KSR2: variants seen among roughly 807,000 people sequenced by gnomAD.
The protein encoded by KSR2 is kinase suppressor of ras 2.
Under a neutral mutation model 107.8 loss-of-function variants are expected in KSR2, and 25 were observed. The observed-to-expected ratio is 0.23, with a 90% CI of 0.17 to 0.32. The LOEUF (loss-of-function observed/expected upper bound fraction) is 0.32, where lower values mean the gene tolerates loss of function less well. Among genes scored for constraint, KSR2 ranks in the 10% least tolerant of loss-of-function variants. The probability of loss-of-function intolerance (pLI) is 1.00; values close to 1 mark genes in which losing one functional copy is unlikely to be tolerated. For missense variants in KSR2, 887 were observed against 1,268.9 expected (o/e 0.70, Z 4.57); for synonymous variants, 480 against 507.0 (o/e 0.95, Z 0.71).
intron 5 of KSR2, among the ~76,000 whole-genome samples, chr12:117,642,710 C>T (rs555060359): frequency 4.7e-4 from 72 of 152,308 alleles, no homozygotes; most frequent in Non-Finnish European, 8.8e-4. Flanking sequence ...CAATGATATG[C>T]TGATCTTGTG....
chr12:117,489,239 G>A (rs541351622), intron 14 of KSR2, among the ~76,000 whole-genome samples: 121 of 152,156 alleles, frequency 8.0e-4, no homozygotes, highest in East Asian at 5.2e-3. Flanking sequence ...TGATTTGGGC[G>A]CTGGTTACAT....
At chr12:117,774,430 C>T (rs1288965144) in intron 3 of KSR2, among the ~76,000 whole-genome samples, 4 of 152,178 alleles carry the variant, frequency 2.6e-5, no homozygotes, top group Admixed American at 1.3e-4. Flanking sequence ...GCACTAGCCC[C>T]GCCCCAGGAT....
At chr12:117,729,481 AC>A (rs1887573409) in intron 4 of KSR2, among the ~76,000 whole-genome samples, 1 of 152,058 alleles carries the variant, frequency 6.6e-6, no homozygotes, top group Admixed American at 6.5e-5. Flanking sequence ...CCTCCACATT[AC>A]TCTGCCTGGC....
chr12:117,928,131 C>G (rs965639698), intron 1 of KSR2, among the ~76,000 whole-genome samples: 1 of 151,308 alleles, frequency 6.6e-6, no homozygotes, highest in Non-Finnish European at 1.5e-5. Flanking sequence ...ATCATGTTTT[C>G]AAGGTTTATC....
chr12:117,917,112 C>T (rs574903619), intron 1 of KSR2, among the ~76,000 whole-genome samples: 2 of 152,282 alleles, frequency 1.3e-5, no homozygotes, highest in South Asian at 4.1e-4. Flanking sequence ...AAAGTCGTGA[C>T]AATGAAAAAT....
At chr12:117,789,764 A>G (rs1890193751) in intron 3 of KSR2, among the ~76,000 whole-genome samples, 1 of 152,188 alleles carries the variant, frequency 6.6e-6, no homozygotes, top group South Asian at 2.1e-4. Context: ...ATTTAGTTGC[A>G]CAAAGCACTA....
intron 5 of KSR2, among the ~76,000 whole-genome samples, chr12:117,586,282 AAAATAAGAAATAAGAAAAAT>A (rs1879984230): frequency 1.0e-5 from 1 of 99,870 alleles, no homozygotes; most frequent in Non-Finnish European, 2.2e-5. Context: ...AAGAAAGAAG[AAAATAAGAAATAAGAAAAAT>A]AGGGCCGGGT....
chr12:117,793,935 ACACATACACCAACATG>A (rs1188848002), intron 3 of KSR2, among the ~76,000 whole-genome samples: 1 of 135,174 alleles, frequency 7.4e-6, no homozygotes, highest in African/African-American at 2.9e-5. Context: ...CACACCATGC[ACACATACACCAACATG>A]CGCACACACC....
At chr12:117,633,072 T>C (rs1882885039) in intron 5 of KSR2, among the ~76,000 whole-genome samples, 1 of 152,216 alleles carries the variant, frequency 6.6e-6, no homozygotes, top group Non-Finnish European at 1.5e-5. Context: ...GGTACAATTG[T>C]TAAAAAGCTG....
Position 117,575,807 on chromosome 12 carries a change from CT to C in KSR2, c.1325+3311del, listed in dbSNP as rs553139288. Among the ~76,000 whole-genome samples, 281 of 152,344 alleles carry C rather than the reference CT, an allele frequency of 1.8e-3. 1 individual carries two copies. Among genetic ancestry groups the C allele is most frequent in the African/African-American group, 6.6e-3 (274 of 41,582 alleles). Reference sequence around the variant, plus strand: ...AAGACGGAATAGGGAAGAATGTTCTCTGATAAAACATTGCCATCTGGAGCAT... The same window carrying C: ...AAGACGGAATAGGGAAGAATGTTCTCGATAAAACATTGCCATCTGGAGCAT... On this transcript the variant is annotated intron_variant, in intron 7 of 19. Coordinates refer to ENST00000339824, the MANE Select transcript of KSR2 (RefSeq NM_173598.6).
At position 117,872,740 on chromosome 12, in the gene KSR2, C is replaced by A. The variant is rs531796010; in HGVS notation, c.181-12309G>T. ...AACAATTACATAATGAAAGTAGTTT[C>A]TCAGTCAAGCCGAAGGATCTGGGTC... On this transcript the variant is annotated intron_variant, in intron 1 of 19. Coordinates refer to ENST00000339824, the MANE Select transcript of KSR2 (RefSeq NM_173598.6). Among the ~76,000 whole-genome samples the A allele has an allele frequency of 3.5e-4, 53 of 152,228 alleles. No individual in the cohort carries two copies. In the South Asian group the frequency reaches 9.3e-3, roughly 27 times the overall value.
chr12:117,516,155 T>C (rs1382484351), intron 14 of KSR2, among the ~76,000 whole-genome samples: 3 of 152,148 alleles, frequency 2.0e-5, no homozygotes, highest in Non-Finnish European at 4.4e-5. Flanking sequence ...GCAACCCTCC[T>C]CTTTTCCCCA....
intron 5 of KSR2, among the ~76,000 whole-genome samples, chr12:117,611,690 T>C (rs1351598496): frequency 6.6e-6 from 1 of 152,152 alleles, no homozygotes; most frequent in Non-Finnish European, 1.5e-5. Context: ...TGGGAACCTC[T>C]TATAACAATC....
chr12:117,688,460 T>C (rs985569289), intron 4 of KSR2, among the ~76,000 whole-genome samples: 7 of 152,264 alleles, frequency 4.6e-5, no homozygotes, highest in Admixed American at 2.0e-4. Context: ...TCCTTTGGGG[T>C]GGGGCCCACA....
chr12:117,900,943 C>T (rs763222885), intron 1 of KSR2, among the ~76,000 whole-genome samples: 4 of 152,198 alleles, frequency 2.6e-5, no homozygotes, highest in East Asian at 1.9e-4. Context: ...CAGCATGGCA[C>T]GCCATCAAAC....
chr12:117,719,921 C>T (rs1887139650), intron 4 of KSR2, among the ~76,000 whole-genome samples: 1 of 152,176 alleles, frequency 6.6e-6, no homozygotes, highest in Admixed American at 6.5e-5. Flanking sequence ...AATGCTTCTC[C>T]TTACCCTCAA....
At chr12:117,725,267 A>C (rs898469060) in intron 4 of KSR2, among the ~76,000 whole-genome samples, 5 of 152,236 alleles carry the variant, frequency 3.3e-5, no homozygotes, top group Non-Finnish European at 5.9e-5. Context: ...GAGGAGACAG[A>C]TGAAAAGACA....
intron 5 of KSR2, among the ~76,000 whole-genome samples, chr12:117,664,662 C>T (rs570879231): frequency 1.3e-5 from 2 of 152,092 alleles, no homozygotes; most frequent in African/African-American, 4.8e-5. Context: ...CTGAAATGGA[C>T]CCTCAGGGAG....
intron 1 of KSR2, among the ~76,000 whole-genome samples, chr12:117,891,225 G>A (rs1015469877): frequency 6.6e-6 from 1 of 152,152 alleles, no homozygotes; most frequent in Non-Finnish European, 1.5e-5. Context: ...AGACCAGCCT[G>A]GCCAACATGG....
Sources: gnomAD v4.1 joint callset for allele counts (sites outside exome capture counted in the v4.1 genomes callset) on GRCh38, gnomAD v4.1.1 for gene constraint, MANE v1.5 for transcripts, NCBI Gene and HGNC (gene_info 2026-07-23, HGNC 2026-07-21) for gene names.